The following SUCO variants were observed in gnomAD, a reference collection of about 807,000 sequenced individuals.
SUCO encodes the protein SUN domain containing ossification factor.
In SUCO, 57 loss-of-function variants were observed where a neutral mutation model predicts 148.1. That is an observed-to-expected ratio of 0.38 (90% confidence interval 0.31 to 0.48). The LOEUF is 0.48. Among genes scored for constraint, SUCO ranks in the 20% least tolerant of loss-of-function variants. SUCO has a pLI of 0.96. For synonymous variants in SUCO, 470 were observed against 502.7 expected, an observed-to-expected ratio of 0.93 and a Z score of 0.87; for missense variants, 1,331 against 1,468.2, an observed-to-expected ratio of 0.91 and a Z score of 1.53.
At chr1:172,595,790 G>A (rs1475476887) in intron 19 of SUCO, among the ~76,000 whole-genome samples, 5 of 152,204 alleles carry the variant, frequency 3.3e-5, no homozygotes, top group Middle Eastern at 3.4e-3. Flanking sequence ...TCTTTGTGGC[G>A]TTCTGTGTAT....
At chr1:172,564,268 A>G (rs1170672327) in intron 6 of SUCO, among the ~76,000 whole-genome samples, 2 of 152,232 alleles carry the variant, frequency 1.3e-5, no homozygotes, top group Non-Finnish European at 2.9e-5. Context: ...GAGGGCCACC[A>G]TCCTCCAGAC....
intron 3 of SUCO, among the ~76,000 whole-genome samples, chr1:172,553,682 T>G (rs979117834): frequency 6.6e-6 from 1 of 152,174 alleles, no homozygotes; most frequent in African/African-American, 2.4e-5. Flanking sequence ...AAGAAATTTT[T>G]TTCTAACCTG....
chr1:172,583,489 A>C (rs1232932719), intron 15 of SUCO, among the ~76,000 whole-genome samples: 1 of 152,054 alleles, frequency 6.6e-6, no homozygotes, highest in African/African-American at 2.4e-5. Context: ...ATCTGCTACT[A>C]TTTCTCCCAT....
At chr1:172,580,112 A>T (rs887734196) in intron 15 of SUCO, among the ~76,000 whole-genome samples, 1 of 152,148 alleles carries the variant, frequency 6.6e-6, no homozygotes, top group African/African-American at 2.4e-5. Flanking sequence ...GTGTAGCCAC[A>T]GTATATAGAG....
At chr1:172,576,340 T>G (rs986861262) in intron 11 of SUCO, among the ~76,000 whole-genome samples, 10 of 151,870 alleles carry the variant, frequency 6.6e-5, no homozygotes, top group African/African-American at 1.7e-4. Flanking sequence ...CTTCTTTAAA[T>G]GTGAGAACTT....
At chr1:172,586,896 G>A (rs114313193) in intron 17 of SUCO, among the ~76,000 whole-genome samples, 1,607 of 152,146 alleles carry the variant, frequency 0.011, 33 homozygotes, top group African/African-American at 0.037. Context: ...AAAATATAGC[G>A]TATGTGTTAT....
intron 17 of SUCO, among the ~76,000 whole-genome samples, chr1:172,586,710 C>G (rs375009753): frequency 1.8e-4 from 27 of 152,104 alleles, no homozygotes; most frequent in African/African-American, 6.5e-4. Flanking sequence ...TGAAATGAAC[C>G]ACTTAGTTCA....
At position 172,569,168 on chromosome 1, in the gene SUCO, AT is replaced by A. The variant is rs751583676; in HGVS notation, c.856+36del. On this transcript the variant is annotated intron_variant, in intron 7 of 23. Coordinates refer to ENST00000263688, the MANE Select transcript of SUCO (RefSeq NM_014283.5). The stretch of plus-strand genomic sequence containing the variant: ...GTAAGGAAGTATTTGAGTTCTTTAA[AT>A]TTTTTTTTTAAGTATATGGTGTAGT... The A allele has an allele frequency of 2.1e-3, 2,917 of 1,411,682 alleles. 10 individuals are homozygous for A. The highest frequency in any genetic ancestry group is 1.8e-3 in the Admixed American group (75 of 40,896). The allele number at this position is 1,411,682 out of a possible 1,614,324, so 87.4% of individuals were successfully genotyped here. A position where few individuals can be genotyped will look rare whatever the true frequency, so the allele number is the denominator to read the frequency against.
intron 22 of SUCO, among the ~76,000 whole-genome samples, chr1:172,606,968 G>A (rs1388246082): frequency 1.3e-5 from 2 of 151,594 alleles, no homozygotes; most frequent in African/African-American, 4.8e-5. Context: ...TTTATTCATT[G>A]GGTTTTCAAT....
intron 3 of SUCO, 132 bp from the exon 4 acceptor site, chr1:172,555,737 A>G: frequency 1.4e-6 from 1 of 739,282 alleles, no homozygotes; most frequent in Non-Finnish European, 2.0e-6. Context: ...GGATTTTTAT[A>G]AAAGTACTTT....
intron 6 of SUCO, chr1:172,568,312 C>CA: frequency 1.1e-6 from 1 of 920,594 alleles, no homozygotes; most frequent in Non-Finnish European, 1.3e-6. Flanking sequence ...GCTTCCCACC[C>CA]ACCCCATCCC....
rs561778520 is a variant in SUCO, at chr1:172,599,577, A to G, written c.2914-487A>G. 7.4e-5 allele frequency: 14 copies of G among 190,338 alleles called. No individual in the cohort carries two copies. In the South Asian group the frequency reaches 1.8e-3, roughly 24 times the overall value. The allele number at this position is 190,338 out of a possible 1,614,324, so 11.8% of individuals were successfully genotyped here. A position where few individuals can be genotyped will look rare whatever the true frequency, so the allele number is the denominator to read the frequency against. Reference sequence around the variant, plus strand: ...GATGAACAATTATGGATATTTCACTATGTACCATCCTAAGTTCCAATATAA... The same window carrying G: ...GATGAACAATTATGGATATTTCACTGTGTACCATCCTAAGTTCCAATATAA... On this transcript the variant is annotated intron_variant, in intron 19 of 23. Coordinates refer to ENST00000263688, the MANE Select transcript of SUCO (RefSeq NM_014283.5).
chr1:172,561,175 T>G (rs918063890), intron 6 of SUCO, among the ~76,000 whole-genome samples: 1 of 152,238 alleles, frequency 6.6e-6, no homozygotes, highest in Non-Finnish European at 1.5e-5. Context: ...AAACTTCTGC[T>G]TTAGTGTCAT....
In SUCO at chr1:172,533,633, C is replaced by G. The variant is rs184136865; in HGVS notation, c.62+136C>G. ...CCCCGTGGAAGGGACAAACCGATTA[C>G]TTCTCGACTCTCCATCTGACTGGTC... On this transcript the variant is annotated intron_variant, in intron 1 of 23. Transcript: ENST00000263688. 893 of 1,111,386 alleles carry G rather than the reference C, an allele frequency of 8.0e-4. 11 individuals are homozygous for G. In the African/African-American group the frequency reaches 0.013, roughly 16 times the overall value. The allele number at this position is 1,111,386 out of a possible 1,614,324, so 68.8% of individuals were successfully genotyped here. A position where few individuals can be genotyped will look rare whatever the true frequency, so the allele number is the denominator to read the frequency against.
At chr1:172,600,696 ATGTGTGTGTGTGTGTGTGTG>A (rs61681764) in intron 20 of SUCO, among the ~76,000 whole-genome samples, 139 of 149,070 alleles carry the variant, frequency 9.3e-4, no homozygotes, top group African/African-American at 2.9e-3. Flanking sequence ...AGAAAATTAA[ATGTGTGTGTGTGTGTGTGTG>A]TGTGTGTGTG....
intron 1 of SUCO, 69 bp downstream of exon 1, chr1:172,533,566 C>A (rs1651784200): frequency 4.1e-6 from 6 of 1,446,512 alleles, no homozygotes; most frequent in East Asian, 2.5e-5. Context: ...CCAGGTCACA[C>A]CCCCTGGTCA....
chr1:172,594,441 A>G (rs1284102522), intron 19 of SUCO, among the ~76,000 whole-genome samples: 3 of 152,096 alleles, frequency 2.0e-5, no homozygotes, highest in Non-Finnish European at 4.4e-5. Flanking sequence ...CCCTGTACAC[A>G]CTGCTTTAAA....
chr1:172,593,968 A>C (rs140488222), intron 19 of SUCO, among the ~76,000 whole-genome samples: 10 of 152,272 alleles, frequency 6.6e-5, no homozygotes, highest in African/African-American at 2.4e-4. Flanking sequence ...TTATTGGTCT[A>C]TTCAGAGATT....
intron 16 of SUCO, 58 bp downstream of exon 16, chr1:172,585,144 T>G (rs950355742): frequency 8.3e-6 from 11 of 1,331,804 alleles, no homozygotes; most frequent in Non-Finnish European, 1.0e-6. Context: ...TCCTTATATT[T>G]AGGAAAATCA....
Sources: allele counts gnomAD v4.1 joint callset (sites outside exome capture counted in the v4.1 genomes callset), GRCh38; gene constraint gnomAD v4.1.1; transcripts MANE v1.5; gene names NCBI Gene and HGNC (gene_info 2026-07-23, HGNC 2026-07-21).